Variants in ABCC4 observed in about 807,000 individuals in gnomAD.
ABCC4 encodes the protein ATP-binding cassette sub-family C member 4.
Under a neutral mutation model 168.5 loss-of-function variants are expected in ABCC4, and 102 were observed. The observed-to-expected ratio is 0.61, with a 90% CI of 0.52 to 0.71. The LOEUF is 0.71. ABCC4 is among the 30% of genes least tolerant of loss of function. The pLI is 0.00. For synonymous variants in ABCC4, 617 were observed against 590.7 expected, an observed-to-expected ratio of 1.04 and a Z score of -0.65; for missense variants, 1,402 against 1,605.8, an observed-to-expected ratio of 0.87 and a Z score of 2.17.
intron 4 of ABCC4, among the ~76,000 whole-genome samples, chr13:95,221,955 C>G (rs79083026): frequency 0.061 from 9,328 of 152,230 alleles, 359 homozygotes; most frequent in East Asian, 0.15. Flanking sequence ...CAGAAACTTC[C>G]CTGAGGCACA....
At chr13:95,142,414 C>G (rs2139483398) in intron 19 of ABCC4, among the ~76,000 whole-genome samples, 1 of 152,100 alleles carries the variant, frequency 6.6e-6, no homozygotes, top group East Asian at 1.9e-4. Context: ...ACACAATGGA[C>G]TTTAAGGACT....
intron 1 of ABCC4, among the ~76,000 whole-genome samples, chr13:95,282,225 G>A (rs2041143632): frequency 6.6e-6 from 1 of 152,104 alleles, no homozygotes; most frequent in Non-Finnish European, 1.5e-5. Flanking sequence ...ACTTTGGGGG[G>A]ACATAATTCA....
At chr13:95,096,913 T>C (rs576189337) in intron 20 of ABCC4, among the ~76,000 whole-genome samples, 8 of 152,324 alleles carry the variant, frequency 5.3e-5, no homozygotes, top group African/African-American at 1.7e-4. Context: ...CAATTTTCTA[T>C]AATATGTATG....
At chr13:95,250,680 T>C (rs781723361) in intron 1 of ABCC4, among the ~76,000 whole-genome samples, 5 of 152,036 alleles carry the variant, frequency 3.3e-5, no homozygotes, top group Non-Finnish European at 7.4e-5. Flanking sequence ...AGTTTTGTTA[T>C]TTATTGTTGG....
At chr13:95,300,917 C>T (rs1179461354) in intron 1 of ABCC4, among the ~76,000 whole-genome samples, 1 of 152,158 alleles carries the variant, frequency 6.6e-6, no homozygotes, top group Non-Finnish European at 1.5e-5. Context: ...CCCCTTTCGG[C>T]AGCCTGGGTT....
chr13:95,278,840 C>G (rs1257699550), intron 1 of ABCC4, among the ~76,000 whole-genome samples: 1 of 131,568 alleles, frequency 7.6e-6, no homozygotes, highest in Non-Finnish European at 1.6e-5. Flanking sequence ...AAAACACAGA[C>G]TGACAACAAC....
In ABCC4 at chr13:95,301,230, G is replaced by A; in HGVS notation, c.74+11C>T. 6.3e-7 allele frequency: 1 copy of A among 1,581,578 alleles called. No homozygotes were observed. The highest frequency in any genetic ancestry group is 8.6e-7 in the Non-Finnish European group (1 of 1,165,076). On this transcript the variant is annotated intron_variant, in intron 1 of 30. Transcript: ENST00000645237. ...GCTGCAGGGTGACCTGTTTCGGGCG[G>A]GGACACTCACCAGAAGAACACGCGT...
At chr13:95,026,301 T>A (rs1344571968) in intron 30 of ABCC4, among the ~76,000 whole-genome samples, 1 of 152,044 alleles carries the variant, frequency 6.6e-6, no homozygotes, top group Non-Finnish European at 1.5e-5. Flanking sequence ...GCACAAAGAT[T>A]AGCCAATGCT....
At position 95,234,739 on chromosome 13, in the gene ABCC4, C is replaced by T. The variant is rs757608951; in HGVS notation, c.402G>A (p.Ala134=). 65 of 1,613,838 alleles carry T rather than the reference C, an allele frequency of 4.0e-5. No homozygotes were observed. The East Asian group carries it at 4.9e-4, about 12-fold the overall frequency. ...AAGTCAGCACCGTGGCATAGGCGTA[C>T]GCTGTGTTCAAAGCCACAGAATCCA... ...DPMDSVALNT[A]YAYATVLTFC... Residue 134 remains alanine (A), a synonymous_variant, in exon 4 of 31, where the codon GCG becomes GCA. Transcript: ENST00000645237.
chr13:95,092,095 T>C (rs2034453162), intron 20 of ABCC4, among the ~76,000 whole-genome samples: 2 of 152,120 alleles, frequency 1.3e-5, no homozygotes, highest in Admixed American at 1.3e-4. Flanking sequence ...AAAGGCCTTG[T>C]CCAAAAGGAA....
chr13:95,258,554 C>CA (rs1042005636), intron 1 of ABCC4, among the ~76,000 whole-genome samples: 45 of 151,376 alleles, frequency 3.0e-4, no homozygotes, highest in African/African-American at 1.1e-3. Context: ...TGTGTAGATA[C>CA]AAAAAAATGC....
intron 30 of ABCC4, among the ~76,000 whole-genome samples, chr13:95,032,696 G>C (rs926406769): frequency 2.0e-5 from 3 of 150,514 alleles, no homozygotes; most frequent in Non-Finnish European, 3.0e-5. Flanking sequence ...ACGCAGTTTC[G>C]CTCTGTTGCC....
At chr13:95,280,595 C>A (rs1425591930) in intron 1 of ABCC4, among the ~76,000 whole-genome samples, 2 of 128,842 alleles carry the variant, frequency 1.6e-5, no homozygotes, top group African/African-American at 2.9e-5. Context: ...AAAAAAAAAA[C>A]CATCCAATTC....
intron 9 of ABCC4, among the ~76,000 whole-genome samples, chr13:95,192,961 T>C (rs1488716107): frequency 6.6e-6 from 1 of 152,164 alleles, no homozygotes; most frequent in African/African-American, 2.4e-5. Flanking sequence ...AGGGTGGGAA[T>C]GCCAGCAGAT....
intron 8 of ABCC4, among the ~76,000 whole-genome samples, chr13:95,200,278 G>C (rs909674574): frequency 6.6e-6 from 1 of 152,152 alleles, no homozygotes; most frequent in Non-Finnish European, 1.5e-5. Context: ...AGGTGTCTGC[G>C]TGCTTCCTCT....
At chr13:95,232,504 A>G (rs1292376070) in intron 4 of ABCC4, among the ~76,000 whole-genome samples, 1 of 151,914 alleles carries the variant, frequency 6.6e-6, no homozygotes, top group Non-Finnish European at 1.5e-5. Flanking sequence ...TGGTGACACC[A>G]CGTCTCTACT....
Position 95,043,583 on chromosome 13 carries a change from A to T in ABCC4, c.3735+99T>A, listed in dbSNP as rs9302041. 0.13 allele frequency: 128,678 copies of T among 970,266 alleles called. 9,740 individuals carry two copies. Among genetic ancestry groups the T allele is most frequent in the African/African-American group, 0.25 (15,181 of 61,302 alleles). The allele number at this position is 970,266 out of a possible 1,614,324, so 60.1% of individuals were successfully genotyped here. On this transcript the variant is annotated intron_variant, in intron 29 of 30. Transcript: ENST00000645237. ...AGAGAGCCAAAATTAACAGAAAATT[A>T]ACTTACTAGGGGTTTCTATCAAGTT...
At chr13:95,040,484 T>C (rs2032308438) in intron 29 of ABCC4, among the ~76,000 whole-genome samples, 1 of 152,086 alleles carries the variant, frequency 6.6e-6, no homozygotes, top group Admixed American at 6.6e-5. Context: ...GATCTGCCCT[T>C]CTCGGCCTCC....
At chr13:95,117,050 C>T (rs2035402661) in intron 19 of ABCC4, among the ~76,000 whole-genome samples, 1 of 152,158 alleles carries the variant, frequency 6.6e-6, no homozygotes. Context: ...CTCTGCAGTT[C>T]TCCTGAGGCA....
Sources: allele counts gnomAD v4.1 joint callset (sites outside exome capture counted in the v4.1 genomes callset), GRCh38; gene constraint gnomAD v4.1.1; transcripts MANE v1.5; gene names NCBI Gene and HGNC (gene_info 2026-07-23, HGNC 2026-07-21).